Variants in NKAIN2 observed in about 807,000 individuals in gnomAD.
The protein encoded by NKAIN2 is sodium/potassium-transporting ATPase subunit beta-1-interacting protein 2.
A neutral mutation model predicts 32.6 loss-of-function variants in NKAIN2; 14 were observed. That is an observed-to-expected ratio of 0.43 (90% confidence interval 0.28 to 0.67). The LOEUF (loss-of-function observed/expected upper bound fraction) is 0.67. Ranked by LOEUF, NKAIN2 falls within the 30% of genes least tolerant of loss-of-function variation. The pLI, the probability that NKAIN2 is intolerant of heterozygous loss-of-function variation, is 0.17. For missense variants in NKAIN2, 198 were observed against 258.3 expected (o/e 0.77, Z 1.60); for synonymous variants, 80 against 87.2 (o/e 0.92, Z 0.46).
chr6:124,687,261 ATTCTCT>A (rs1371283998), intron 4 of NKAIN2, among the ~76,000 whole-genome samples: 2 of 141,924 alleles, frequency 1.4e-5, no homozygotes, highest in Non-Finnish European at 3.0e-5. Context: ...ACCTATATAT[ATTCTCT>A]CTATATATAG....
At chr6:124,300,798 T>C (rs1796261428) in intron 2 of NKAIN2, among the ~76,000 whole-genome samples, 1 of 152,160 alleles carries the variant, frequency 6.6e-6, no homozygotes, top group African/African-American at 2.4e-5. Context: ...TCTGTGAAAC[T>C]TTTAAATTGA....
intron 5 of NKAIN2, among the ~76,000 whole-genome samples, chr6:124,797,699 G>T (rs1337025424): frequency 3.3e-5 from 5 of 152,102 alleles, no homozygotes; most frequent in African/African-American, 7.2e-5. Flanking sequence ...ACACTTCTGT[G>T]TATTGAATTC....
intron 2 of NKAIN2, among the ~76,000 whole-genome samples, chr6:124,325,272 A>G (rs74319607): frequency 0.025 from 3,799 of 152,204 alleles, 162 homozygotes; most frequent in African/African-American, 0.088. Flanking sequence ...AAGAGGAGAA[A>G]ACACTTTGCA....
At chr6:124,190,259 G>A (rs996723004) in intron 1 of NKAIN2, among the ~76,000 whole-genome samples, 1 of 152,170 alleles carries the variant, frequency 6.6e-6, no homozygotes, top group Non-Finnish European at 1.5e-5. Flanking sequence ...ATATTACAGG[G>A]TTATCCTGAG....
chr6:123,973,594 C>T (rs970192958), intron 1 of NKAIN2, among the ~76,000 whole-genome samples: 1 of 152,048 alleles, frequency 6.6e-6, no homozygotes, highest in South Asian at 2.1e-4. Context: ...TACCAGGACT[C>T]GTAGTTTCCT....
chr6:124,342,260 T>A (rs1424853458), intron 2 of NKAIN2, among the ~76,000 whole-genome samples: 1 of 150,634 alleles, frequency 6.6e-6, no homozygotes, highest in Non-Finnish European at 1.5e-5. Flanking sequence ...TACAAAAAAA[T>A]TAGCCAGGCG....
At chr6:124,481,303 T>G (rs779364672) in intron 3 of NKAIN2, among the ~76,000 whole-genome samples, 16 of 151,978 alleles carry the variant, frequency 1.1e-4, no homozygotes, top group Non-Finnish European at 2.4e-4. Context: ...ACTCTGGTAA[T>G]ACCCTTGGGT....
chr6:123,917,951 A>G (rs1487416573), intron 1 of NKAIN2, among the ~76,000 whole-genome samples: 3 of 152,170 alleles, frequency 2.0e-5, no homozygotes, highest in Non-Finnish European at 4.4e-5. Flanking sequence ...TGGGAGTTAA[A>G]CATAGCCACC....
chr6:124,210,392 T>G (rs1166424124), intron 1 of NKAIN2, among the ~76,000 whole-genome samples: 1 of 151,978 alleles, frequency 6.6e-6, no homozygotes, highest in African/African-American at 2.4e-5. Context: ...GTTTTGTTCT[T>G]TTTGCTCAGG....
At chr6:124,380,641 A>T (rs1366968664) in intron 3 of NKAIN2, among the ~76,000 whole-genome samples, 1 of 152,148 alleles carries the variant, frequency 6.6e-6, no homozygotes, top group Non-Finnish European at 1.5e-5. Flanking sequence ...GGGAACCCTG[A>T]TACTCTTTGG....
chr6:124,646,893 G>A (rs931807538), intron 3 of NKAIN2, among the ~76,000 whole-genome samples: 2 of 152,094 alleles, frequency 1.3e-5, no homozygotes, highest in Non-Finnish European at 2.9e-5. Flanking sequence ...GGAGGTTGTA[G>A]TGAGCTGAGA....
In NKAIN2 at chr6:124,428,294, C is replaced by G. The variant is rs183504373; in HGVS notation, c.273+72947C>G. 3.3e-5 allele frequency among the ~76,000 whole-genome samples: 5 copies of G among 152,196 alleles called. No individual in the cohort carries two copies. The East Asian group carries it at 9.7e-4, about 29-fold the overall frequency. ...CAAAATAGAAAATACCACCGAAGAGCTGGAGACATGTTTCACCCCAACCCC... is the reference window on the plus strand; with the variant it reads ...CAAAATAGAAAATACCACCGAAGAGGTGGAGACATGTTTCACCCCAACCCC... On this transcript the variant is annotated intron_variant, in intron 3 of 6. Coordinates refer to ENST00000368417, the MANE Select transcript of NKAIN2 (RefSeq NM_001040214.3).
intron 3 of NKAIN2, among the ~76,000 whole-genome samples, chr6:124,579,488 A>T (rs1017938708): frequency 2.0e-5 from 3 of 152,264 alleles, no homozygotes; most frequent in Non-Finnish European, 4.4e-5. Context: ...TAAGAGCAGA[A>T]TTGATCAAGC....
intron 6 of NKAIN2, 79 bp from the exon 7 acceptor site, chr6:124,823,141 G>A (rs1781458474): frequency 1.0e-6 from 1 of 964,754 alleles, no homozygotes; most frequent in East Asian, 2.4e-5. Context: ...TCTTGTGCTT[G>A]GAAAGGTGAG....
chr6:124,100,892 G>A (rs1267559999), intron 1 of NKAIN2, among the ~76,000 whole-genome samples: 2 of 152,188 alleles, frequency 1.3e-5, no homozygotes, highest in Non-Finnish European at 2.9e-5. Context: ...AAAAGAGGCT[G>A]TCTTCTTGGA....
intron 3 of NKAIN2, among the ~76,000 whole-genome samples, chr6:124,395,754 A>G (rs147870412): frequency 2.5e-3 from 376 of 152,284 alleles, no homozygotes; most frequent in African/African-American, 8.6e-3. Flanking sequence ...TAGAATGGCA[A>G]TGGATATGTC....
intron 3 of NKAIN2, among the ~76,000 whole-genome samples, chr6:124,515,370 G>A (rs1300973933): frequency 2.0e-5 from 3 of 152,002 alleles, no homozygotes; most frequent in Admixed American, 2.0e-4. Context: ...AGGTGAAGGG[G>A]ATTCTGGTTG....
chr6:124,691,522 C>T (rs186700228), intron 4 of NKAIN2, among the ~76,000 whole-genome samples: 49 of 152,222 alleles, frequency 3.2e-4, no homozygotes, highest in Non-Finnish European at 5.1e-4. Context: ...GGTCCATTAC[C>T]GCCCCCCGCC....
rs1776945818 is a variant in NKAIN2 at position 123,943,938 on chromosome 6, TCA to T, written c.54+139686_54+139687del. Among the ~76,000 whole-genome samples, 3 of 152,228 alleles carry T rather than the reference TCA, an allele frequency of 2.0e-5. No homozygotes were observed. In the South Asian group the frequency reaches 6.2e-4, roughly 32 times the overall value. ...GTTCACAGAGTTGTGTTATTGGTCC[TCA>T]CTGAATTTAAGTATTTACCAATCAT... is the stretch of plus-strand genomic sequence containing the variant. On this transcript the variant is annotated intron_variant, in intron 1 of 6. Coordinates refer to ENST00000368417, the MANE Select transcript of NKAIN2 (RefSeq NM_001040214.3).
Sources: gnomAD v4.1 joint callset for allele counts (sites outside exome capture counted in the v4.1 genomes callset) on GRCh38, gnomAD v4.1.1 for gene constraint, MANE v1.5 for transcripts, NCBI Gene and HGNC (gene_info 2026-07-23, HGNC 2026-07-21) for gene names.